The following TFCP2 variants were observed in gnomAD, a reference collection of about 807,000 sequenced individuals.
The protein encoded by TFCP2 is alpha-globin transcription factor CP2.
In TFCP2, 33 loss-of-function variants were observed where a neutral mutation model predicts 73.4. The ratio of observed to expected loss-of-function variants is 0.45; its 90% CI spans 0.34 to 0.60. The LOEUF is 0.60. Ranked by LOEUF, TFCP2 falls within the 20% of genes least tolerant of loss-of-function variation. TFCP2 has a pLI of 0.01. For synonymous variants in TFCP2, 193 were observed against 211.6 expected, an observed-to-expected ratio of 0.91 and a Z score of 0.76; for missense variants, 352 against 604.0, an observed-to-expected ratio of 0.58 and a Z score of 4.37.
At chr12:51,117,915 T>C (rs927761274) in intron 2 of TFCP2, among the ~76,000 whole-genome samples, 168 bp from the exon 3 acceptor site, 15 of 152,216 alleles carry the variant, frequency 9.9e-5, no homozygotes, top group Non-Finnish European at 2.2e-4. Context: ...CTAAGTATTG[T>C]CACATTATCT....
chr12:51,102,144 T>G, intron 10 of TFCP2, 119 bp from the exon 11 acceptor site: 1 of 720,936 alleles, frequency 1.4e-6, no homozygotes, highest in Non-Finnish European at 2.3e-6. Flanking sequence ...CATAATTTTC[T>G]TCATGGCATA....
chr12:51,139,245 G>T (rs1941134235), intron 1 of TFCP2, among the ~76,000 whole-genome samples: 1 of 152,198 alleles, frequency 6.6e-6, no homozygotes, highest in South Asian at 2.1e-4. Context: ...AAGCTTCAGT[G>T]GTTTCCCAAC....
chr12:51,099,108 T>C (rs544330471), intron 12 of TFCP2, among the ~76,000 whole-genome samples, 190 bp from the exon 13 acceptor site: 48 of 152,324 alleles, frequency 3.2e-4, no homozygotes, highest in African/African-American at 1.1e-3. Flanking sequence ...CTGATTTTTC[T>C]TGCATAAATA....
intron 6 of TFCP2, among the ~76,000 whole-genome samples, chr12:51,107,829 C>T (rs1014960770): frequency 4.6e-5 from 7 of 151,556 alleles, no homozygotes; most frequent in Non-Finnish European, 8.8e-5. Flanking sequence ...TGGTCTTAAA[C>T]TCCTGACCTT....
At chr12:51,122,228 G>T (rs1940695104) in intron 1 of TFCP2, among the ~76,000 whole-genome samples, 1 of 146,482 alleles carries the variant, frequency 6.8e-6, no homozygotes, top group African/African-American at 2.5e-5. Context: ...CAGTTTTCAT[G>T]AAACAGTTTT....
At position 51,106,581 on chromosome 12, in the gene TFCP2, A is replaced by G. The variant is rs1297625289; in HGVS notation, c.861T>C (p.Asn287=). 6.2e-7 allele frequency: 1 copy of G among 1,613,654 alleles called. No homozygotes were observed. Among genetic ancestry groups the G allele is most frequent in the Admixed American group, 1.7e-5 (1 of 59,944 alleles). ...CSPWPEITYV[N]NSPSPGFNSS... ...TGTTGAAGCCAGGTGATGGGGAGTT[A>G]TTGACATACGTGATCTCGGGCCATG... Residue 287 remains asparagine, a synonymous_variant, in exon 8 of 15, where the codon AAT becomes AAC. Transcript: ENST00000257915.
chr12:51,172,513 A>C lies in TFCP2; in HGVS notation c.-91T>G. ...CAACAGGAGTAACGCAAACCAAGAA[A>C]ACTACAAACCAAGGTTTCCCACGCA... On this transcript the variant is annotated 5_prime_UTR_variant, in exon 1 of 15. Coordinates refer to ENST00000257915, the MANE Select transcript of TFCP2 (RefSeq NM_005653.5). 6.4e-7 allele frequency: 1 copy of C among 1,570,216 alleles called. No individual in the cohort carries two copies. Among genetic ancestry groups the C allele is most frequent in the Non-Finnish European group, 8.6e-7 (1 of 1,157,288 alleles).
intron 1 of TFCP2, among the ~76,000 whole-genome samples, chr12:51,136,183 C>T (rs1259731393): frequency 6.6e-6 from 1 of 151,820 alleles, no homozygotes; most frequent in East Asian, 1.9e-4. Flanking sequence ...GTGGCAGGTG[C>T]CTGTAGTCCC....
chr12:51,140,095 G>A (rs920045988), intron 1 of TFCP2, among the ~76,000 whole-genome samples: 2 of 152,116 alleles, frequency 1.3e-5, no homozygotes, highest in African/African-American at 4.8e-5. Context: ...CTCATATTAA[G>A]TAGCAACTGT....
chr12:51,107,045 A>C, intron 7 of TFCP2, 191 bp downstream of exon 7: 2 of 620,900 alleles, frequency 3.2e-6, no homozygotes, highest in Non-Finnish European at 5.7e-6. Context: ...GATAACTTGG[A>C]CACAGAGACA....
intron 1 of TFCP2, among the ~76,000 whole-genome samples, chr12:51,140,980 G>A (rs1985457): frequency 0.62 from 93,278 of 151,670 alleles, 29,138 homozygotes; most frequent in Non-Finnish European, 0.68. Context: ...CGCTTGAACC[G>A]GGGAGGCAGA....
In TFCP2 at chr12:51,172,674, C is replaced by T. The variant is rs1941886441; in HGVS notation, c.-252G>A. 1.4e-5 allele frequency: 6 copies of T among 427,388 alleles called. No homozygotes were observed. The Admixed American group carries it at 1.5e-4, about 11-fold the overall frequency. The allele number at this position is 427,388 out of a possible 1,614,324, so 26.5% of individuals were successfully genotyped here. On this transcript the variant is annotated 5_prime_UTR_variant, in exon 1 of 15. Transcript: ENST00000257915. ...CCAGCTCTCAGGAACGTGAGGACCC[C>T]TTTGCTCAACTACTGCAGACTTCCC... is the stretch of plus-strand genomic sequence containing the variant.
chr12:51,162,981 C>T (rs1024264161), intron 1 of TFCP2: 7 of 152,128 alleles, frequency 4.6e-5, no homozygotes, highest in African/African-American at 1.7e-4. Context: ...GGATGACATG[C>T]AAATTTGTGA....
At chr12:51,149,655 A>T (rs1206587098) in intron 1 of TFCP2, among the ~76,000 whole-genome samples, 1 of 152,048 alleles carries the variant, frequency 6.6e-6, no homozygotes, top group Non-Finnish European at 1.5e-5. Flanking sequence ...GCCAGAGTGC[A>T]GTGGCACGAT....
At chr12:51,163,271 C>T (rs1941686749) in intron 1 of TFCP2, among the ~76,000 whole-genome samples, 1 of 152,004 alleles carries the variant, frequency 6.6e-6, no homozygotes, top group Non-Finnish European at 1.5e-5. Context: ...GCCTGGGCAA[C>T]AGAGCAAGAC....
At chr12:51,133,960 A>C (rs1566217612) in intron 1 of TFCP2, among the ~76,000 whole-genome samples, 1 of 152,036 alleles carries the variant, frequency 6.6e-6, no homozygotes, top group Non-Finnish European at 1.5e-5. Context: ...AACAGTGTTA[A>C]AGAATTTGAA....
intron 1 of TFCP2, among the ~76,000 whole-genome samples, chr12:51,136,581 T>C (rs1941066381): frequency 6.6e-6 from 1 of 152,174 alleles, no homozygotes; most frequent in Non-Finnish European, 1.5e-5. Flanking sequence ...CTGAGTAGCT[T>C]ACCTGTATTC....
At position 51,098,680 on chromosome 12, in the gene TFCP2, A is replaced by T. The variant is rs1042662532; in HGVS notation, c.1419+96T>A. The T allele has an allele frequency of 6.4e-6, 9 of 1,409,780 alleles. No individual in the cohort carries two copies. In the African/African-American group the frequency reaches 1.3e-4, roughly 20 times the overall value. 87.3% of individuals were successfully genotyped at this position (1,409,780 alleles called of 1,614,324 possible). On this transcript the variant is annotated intron_variant, in intron 13 of 14. Coordinates refer to ENST00000257915, the MANE Select transcript of TFCP2 (RefSeq NM_005653.5). The stretch of plus-strand genomic sequence containing the variant: ...AAAAAAGTATGAAACCCTCTGATCT[A>T]GAAAACAGAACACTCTGCCCCAGGA...
intron 1 of TFCP2, among the ~76,000 whole-genome samples, chr12:51,140,452 T>TC (rs1421561693): frequency 7.2e-6 from 1 of 138,076 alleles, no homozygotes; most frequent in Non-Finnish European, 1.6e-5. Flanking sequence ...TTTCTTTTTT[T>TC]TTTTTTTTTT....
Sources: allele counts gnomAD v4.1 joint callset (sites outside exome capture counted in the v4.1 genomes callset), GRCh38; gene constraint gnomAD v4.1.1; transcripts MANE v1.5; gene names NCBI Gene and HGNC (gene_info 2026-07-23, HGNC 2026-07-21).